Variants in EXPH5 observed in about 807,000 individuals in gnomAD.
The protein encoded by EXPH5 is exophilin-5.
Under a neutral mutation model 41.1 loss-of-function variants are expected in EXPH5, and 42 were observed. The ratio of observed to expected loss-of-function variants is 1.02; its 90% CI spans 0.80 to 1.32. The LOEUF (loss-of-function observed/expected upper bound fraction) is 1.32, where lower values mean the gene tolerates loss of function less well. EXPH5 is among the 40% of genes most tolerant of loss of function. EXPH5 has a pLI of 0.00. For missense variants in EXPH5, 2,298 were observed against 2,314.5 expected, an observed-to-expected ratio of 0.99 and a Z score of 0.15; for synonymous variants, 798 against 833.5, an observed-to-expected ratio of 0.96 and a Z score of 0.73.
At chr11:108,544,572 G>A (rs541964826) in intron 1 of EXPH5, among the ~76,000 whole-genome samples, 47 of 152,164 alleles carry the variant, frequency 3.1e-4, no homozygotes, top group African/African-American at 1.1e-3. Context: ...TCTGTCTTCT[G>A]GCCAATGAAG....
rs1943382 is a variant in EXPH5, at chr11:108,509,608, C to T, written c.5899G>A (p.Asp1967Asn). The change falls in exon 6 of 6, where the codon GAT (aspartate) becomes AAT (asparagine). Residue 1967 changes from aspartate (D) to asparagine (N), a missense_variant. Transcript: ENST00000265843. ...NIYEDDPVDS[D>N]CDTDTTTDDE... Reference sequence around the variant, plus strand: ...TCTGTGGTTGTGTCTGTGTCACAATCTGAGTCCACTGGGTCATCCTCATAG... The same window carrying T: ...TCTGTGGTTGTGTCTGTGTCACAATTTGAGTCCACTGGGTCATCCTCATAG... 8.3e-5 allele frequency: 133 copies of T among 1,607,194 alleles called. No individual in the cohort carries two copies. In the African/African-American group the frequency reaches 1.6e-3, roughly 19 times the overall value.
chr11:108,532,357 T>TAC (rs2093846003), intron 3 of EXPH5, among the ~76,000 whole-genome samples: 3 of 19,616 alleles, frequency 1.5e-4, no homozygotes, highest in African/African-American at 3.5e-4. Context: ...TATATATATA[T>TAC]ATATATATAT....
chr11:108,538,743 A>G (rs181552605), intron 3 of EXPH5, among the ~76,000 whole-genome samples: 1 of 152,200 alleles, frequency 6.6e-6, no homozygotes, highest in Admixed American at 6.5e-5. Flanking sequence ...GAGCAGTGGA[A>G]AAACTGGCAA....
intron 3 of EXPH5, among the ~76,000 whole-genome samples, chr11:108,536,249 T>C (rs2093878998): frequency 6.6e-6 from 1 of 151,882 alleles, no homozygotes; most frequent in African/African-American, 2.4e-5. Context: ...GAGCAAATCA[T>C]ATTTGAGGCA....
chr11:108,594,211 T>G (rs1461866330), upstream of EXPH5, among the ~76,000 whole-genome samples: 1 of 152,140 alleles, frequency 6.6e-6, no homozygotes, highest in Non-Finnish European at 1.5e-5. Flanking sequence ...GGGCGGAAAT[T>G]AGTGTATCCT....
At chr11:108,585,509 C>A (rs1235339127) in intron 1 of EXPH5, among the ~76,000 whole-genome samples, 1 of 152,196 alleles carries the variant, frequency 6.6e-6, no homozygotes, top group Non-Finnish European at 1.5e-5. Context: ...GGGACTTCAC[C>A]AAACACAGAC....
At position 108,510,660 on chromosome 11, in the gene EXPH5, A is replaced by G. The variant is rs748133353; in HGVS notation, c.4847T>C (p.Val1616Ala). The G allele has an allele frequency of 6.2e-7, 1 of 1,614,202 alleles. No homozygotes were observed. The highest frequency in any genetic ancestry group is 1.1e-5 in the South Asian group (1 of 91,088). Residue 1616 changes from valine (V) to alanine (A), a missense_variant, in exon 6 of 6, where the codon GTA becomes GCA. Val to Ala is a moderately conservative substitution (Grantham distance 64). Transcript: ENST00000265843. ...PAKDVSPRRH[V>A]ATIFPQSGSR... ...TCCACTTTGGGGGAAGATAGTAGCT[A>G]CATGTCTTCTGGGGCTTACATCTTT...
At position 108,509,424 on chromosome 11, in the gene EXPH5, G is replaced by C; in HGVS notation, c.*113C>G. Reference sequence around the variant, plus strand: ...AAAAAAGGAGATGTGGGACATTTCAGAGCAGACACTGCCCAGACTAGATCT... The same window carrying C: ...AAAAAAGGAGATGTGGGACATTTCACAGCAGACACTGCCCAGACTAGATCT... On this transcript the variant is annotated 3_prime_UTR_variant, in exon 6 of 6. Coordinates refer to ENST00000265843, the MANE Select transcript of EXPH5 (RefSeq NM_015065.3). 1 of 998,730 alleles carries C rather than the reference G, an allele frequency of 1.0e-6. No homozygotes were observed. Among genetic ancestry groups the C allele is most frequent in the Non-Finnish European group, 1.4e-6 (1 of 696,562 alleles). 61.9% of individuals were successfully genotyped at this position (998,730 alleles called of 1,614,324 possible).
At chr11:108,515,246 A>G (rs1289080702) in intron 5 of EXPH5, among the ~76,000 whole-genome samples, 1 of 152,210 alleles carries the variant, frequency 6.6e-6, no homozygotes, top group South Asian at 2.1e-4. Flanking sequence ...TAATGCAGAC[A>G]TTGAATAACT....
At chr11:108,585,599 T>C (rs2094110785) in intron 1 of EXPH5, among the ~76,000 whole-genome samples, 1 of 152,156 alleles carries the variant, frequency 6.6e-6, no homozygotes. Flanking sequence ...AATTACCCAG[T>C]CTAAGGTATT....
At chr11:108,601,299 T>C in the EXPH5 span, among the ~76,000 whole-genome samples, 1 of 152,252 alleles carries the variant, frequency 6.6e-6, no homozygotes, top group African/African-American at 2.4e-5. Flanking sequence ...ATTCTTCTGG[T>C]TAAGTTGCTG....
Position 108,507,022 on chromosome 11 carries a change from A to G in EXPH5, c.*2515T>C, listed in dbSNP as rs992433130. The G allele has an allele frequency of 6.6e-6, 1 of 152,122 alleles. No individual in the cohort carries two copies. The highest frequency in any genetic ancestry group is 1.5e-5 in the Non-Finnish European group (1 of 68,014). 9.4% of individuals were successfully genotyped at this position (152,122 alleles called of 1,614,324 possible). A position where few individuals can be genotyped will look rare whatever the true frequency, so the allele number is the denominator to read the frequency against. On this transcript the variant is annotated 3_prime_UTR_variant, in exon 6 of 6. Coordinates refer to ENST00000265843, the MANE Select transcript of EXPH5 (RefSeq NM_015065.3). Reference sequence around the variant, plus strand: ...AATAATAATAATAATAATAATAATCAGATAAATAGAAAAAGAGGAAAGGCA... The same window carrying G: ...AATAATAATAATAATAATAATAATCGGATAAATAGAAAAAGAGGAAAGGCA...
chr11:108,549,920 C>G (rs538006220), intron 1 of EXPH5, among the ~76,000 whole-genome samples: 1 of 152,190 alleles, frequency 6.6e-6, no homozygotes. Context: ...TCTCTTTTAC[C>G]TCTTTCCTAG....
intron 3 of EXPH5, among the ~76,000 whole-genome samples, chr11:108,535,520 A>C (rs1226328919): frequency 6.6e-6 from 1 of 152,188 alleles, no homozygotes; most frequent in African/African-American, 2.4e-5. Flanking sequence ...CTCAACTAGC[A>C]ACGAGCAAGA....
Position 108,512,215 on chromosome 11 carries a change from T to C in EXPH5, c.3292A>G (p.Arg1098Gly), listed in dbSNP as rs1339606286. 2 of 1,607,244 alleles carry C rather than the reference T, an allele frequency of 1.2e-6. No homozygotes were observed. The highest frequency in any genetic ancestry group is 2.7e-5 in the African/African-American group (2 of 74,392). ...SALEAPEATE[R>G]MTNVKSSGST... ...CCACTGCTTTTTACATTTGTCATTC[T>C]CTCTGTGGCTTCAGGTGCTTCCAGG... is the stretch of plus-strand genomic sequence containing the variant. Residue 1098 changes from arginine (R) to glycine (G), a missense_variant, in exon 6 of 6, where the codon AGA (arginine) becomes GGA (glycine). Physicochemically the swap from Arg to Gly is moderately radical, Grantham distance 125. Coordinates refer to ENST00000265843, the MANE Select transcript of EXPH5 (RefSeq NM_015065.3).
At chr11:108,598,637 G>A (rs1374954712), upstream of EXPH5, among the ~76,000 whole-genome samples, 1 of 152,010 alleles carries the variant, frequency 6.6e-6, no homozygotes, top group Non-Finnish European at 1.5e-5. Context: ...GTGACCTGAG[G>A]GGTGTCAAGG....
intron 1 of EXPH5, among the ~76,000 whole-genome samples, chr11:108,585,307 C>T (rs2094109948): frequency 6.6e-6 from 1 of 152,164 alleles, no homozygotes; most frequent in Non-Finnish European, 1.5e-5. Context: ...TATGTGTCCC[C>T]CCAGAATTCA....
intron 1 of EXPH5, among the ~76,000 whole-genome samples, chr11:108,592,896 C>T (rs1298298201): frequency 6.6e-6 from 1 of 152,242 alleles, no homozygotes; most frequent in Non-Finnish European, 1.5e-5. Context: ...TGCCGGCTCT[C>T]CCGTGCTTCG....
At chr11:108,566,897 C>T (rs756541232) in intron 1 of EXPH5, among the ~76,000 whole-genome samples, 6 of 152,182 alleles carry the variant, frequency 3.9e-5, no homozygotes, top group Non-Finnish European at 7.3e-5. Context: ...ATAGCACCAA[C>T]ACACCACTGC....
Sources: gnomAD v4.1 joint callset for allele counts (sites outside exome capture counted in the v4.1 genomes callset) on GRCh38, gnomAD v4.1.1 for gene constraint, MANE v1.5 for transcripts, NCBI Gene and HGNC (gene_info 2026-07-23, HGNC 2026-07-21) for gene names.